CSMD1: variants seen among roughly 807,000 people sequenced by gnomAD.
CSMD1 encodes the protein CUB and Sushi multiple domains 1.
A neutral mutation model predicts 417.5 loss-of-function variants in CSMD1; 213 were observed. That is an observed-to-expected ratio of 0.51 (90% confidence interval 0.46 to 0.57). The LOEUF (loss-of-function observed/expected upper bound fraction) is 0.57, where lower values mean the gene tolerates loss of function less well. Ranked by LOEUF, CSMD1 falls within the 20% of genes least tolerant of loss-of-function variation. The pLI is 0.00. For synonymous variants in CSMD1, 2,862 were observed against 1,736.8 expected, an observed-to-expected ratio of 1.65 and a Z score of -16.11; for missense variants, 6,923 against 4,529.7, an observed-to-expected ratio of 1.53 and a Z score of -15.17.
chr8:4,713,098 A>G (rs1808415299), intron 1 of CSMD1, among the ~76,000 whole-genome samples: 1 of 152,222 alleles, frequency 6.6e-6, no homozygotes, highest in African/African-American at 2.4e-5. Context: ...CCCCACCATT[A>G]AAGTCATTCA....
intron 10 of CSMD1, among the ~76,000 whole-genome samples, chr8:3,528,732 T>A (rs1797857373): frequency 6.6e-6 from 1 of 152,176 alleles, no homozygotes; most frequent in Non-Finnish European, 1.5e-5. Flanking sequence ...ATTGGAATAG[T>A]GAATGTTCCA....
At chr8:3,122,646 G>T (rs1335817487) in intron 41 of CSMD1, among the ~76,000 whole-genome samples, 1 of 152,166 alleles carries the variant, frequency 6.6e-6, no homozygotes, top group African/African-American at 2.4e-5. Flanking sequence ...TCTCACGAGA[G>T]CTGATGCTTT....
intron 8 of CSMD1, among the ~76,000 whole-genome samples, chr8:3,608,367 C>T (rs75455092): frequency 0.043 from 6,535 of 152,090 alleles, 171 homozygotes; most frequent in Middle Eastern, 0.082. Context: ...GACATGGAAG[C>T]AGTTGAGAAG....
At chr8:3,517,138 T>C (rs1003656622) in intron 10 of CSMD1, among the ~76,000 whole-genome samples, 1 of 152,212 alleles carries the variant, frequency 6.6e-6, no homozygotes, top group East Asian at 1.9e-4. Context: ...AGCTCCCTCC[T>C]GCAGTGTGCT....
At chr8:4,289,076 A>T (rs1391109975) in intron 3 of CSMD1, among the ~76,000 whole-genome samples, 1 of 152,202 alleles carries the variant, frequency 6.6e-6, no homozygotes, top group Admixed American at 6.5e-5. Flanking sequence ...GGATGAAAAT[A>T]AAATTATATT....
intron 41 of CSMD1, among the ~76,000 whole-genome samples, chr8:3,121,653 G>C (rs1399413129): frequency 6.6e-6 from 1 of 152,100 alleles, no homozygotes; most frequent in Non-Finnish European, 1.5e-5. Context: ...GATGTAAAAG[G>C]CTGGGAGCAG....
intron 40 of CSMD1, among the ~76,000 whole-genome samples, chr8:3,144,299 G>A (rs577918819): frequency 6.6e-6 from 1 of 152,182 alleles, no homozygotes; most frequent in South Asian, 2.1e-4. Flanking sequence ...CTAGACAAGA[G>A]CTGACAGTCT....
At chr8:4,413,947 C>T (rs943108609) in intron 3 of CSMD1, among the ~76,000 whole-genome samples, 3 of 152,140 alleles carry the variant, frequency 2.0e-5, no homozygotes, top group Non-Finnish European at 4.4e-5. Flanking sequence ...GCATTTGTTT[C>T]AAGCTCTATA....
chr8:4,146,907 C>T (rs1000930150), intron 3 of CSMD1, among the ~76,000 whole-genome samples: 2 of 144,338 alleles, frequency 1.4e-5, no homozygotes, highest in Non-Finnish European at 2.9e-5. Context: ...GCCACCGCAC[C>T]GGCCAGACAC....
At chr8:4,201,892 G>GT (rs1030281848) in intron 3 of CSMD1, among the ~76,000 whole-genome samples, 4 of 148,556 alleles carry the variant, frequency 2.7e-5, no homozygotes, top group East Asian at 2.1e-4. Context: ...AATTTTGGGG[G>GT]GGGGGGGCGC....
intron 1 of CSMD1, among the ~76,000 whole-genome samples, chr8:4,671,097 G>A (rs984944841): frequency 6.6e-6 from 1 of 152,130 alleles, no homozygotes; most frequent in Non-Finnish European, 1.5e-5. Flanking sequence ...TTGAATCTGT[G>A]GCTTGAAAAA....
chr8:3,725,677 T>A (rs1182272172), intron 6 of CSMD1, among the ~76,000 whole-genome samples: 1 of 150,464 alleles, frequency 6.6e-6, no homozygotes, highest in Admixed American at 6.6e-5. Flanking sequence ...CGGTCTCAGA[T>A]GTGGCAGGGG....
At chr8:3,362,372 C>G (rs182922282) in intron 20 of CSMD1, among the ~76,000 whole-genome samples, 1 of 152,298 alleles carries the variant, frequency 6.6e-6, no homozygotes, top group South Asian at 2.1e-4. Context: ...ACTGTGACCT[C>G]CGGATGCAAA....
chr8:4,208,864 T>C (rs1023643235), intron 3 of CSMD1, among the ~76,000 whole-genome samples: 1 of 152,200 alleles, frequency 6.6e-6, no homozygotes, highest in African/African-American at 2.4e-5. Flanking sequence ...AAGTATCCAT[T>C]CAAAATACCA....
At chr8:3,665,150 T>C (rs1165910951) in intron 7 of CSMD1, among the ~76,000 whole-genome samples, 1 of 152,198 alleles carries the variant, frequency 6.6e-6, no homozygotes, top group African/African-American at 2.4e-5. Context: ...ATCATGAGCA[T>C]TGACCAATGA....
intron 3 of CSMD1, among the ~76,000 whole-genome samples, chr8:4,098,512 C>T (rs1374296952): frequency 6.6e-6 from 1 of 152,044 alleles, no homozygotes; most frequent in Admixed American, 6.6e-5. Context: ...GCCAGTTACC[C>T]AGCTGCGAAG....
At chr8:4,041,980 G>C (rs962880534) in intron 3 of CSMD1, among the ~76,000 whole-genome samples, 1 of 151,990 alleles carries the variant, frequency 6.6e-6, no homozygotes, top group African/African-American at 2.4e-5. Context: ...AAAAAAGAAA[G>C]ATTTCCAAGC....
rs577882357 is a variant in CSMD1 at position 3,291,674 on chromosome 8, T to G, written c.3951-7328A>C. 3.3e-5 allele frequency among the ~76,000 whole-genome samples: 5 copies of G among 152,156 alleles called. No individual in the cohort carries two copies. The South Asian group carries it at 1.0e-3, about 32-fold the overall frequency. On this transcript the variant is annotated intron_variant, in intron 25 of 69. Transcript: ENST00000635120. The stretch of plus-strand genomic sequence containing the variant: ...GTTTCTGTGGGATCGGTGGTGATAT[T>G]ACCTTTATCATTTTTTATTATGTCT...
intron 18 of CSMD1, among the ~76,000 whole-genome samples, chr8:3,378,072 T>C (rs1810420088): frequency 6.6e-6 from 1 of 152,154 alleles, no homozygotes; most frequent in South Asian, 2.1e-4. Flanking sequence ...CATGTAAGGA[T>C]GAAGAAGGGT....
Sources: gnomAD v4.1 joint callset for allele counts (sites outside exome capture counted in the v4.1 genomes callset) on GRCh38, gnomAD v4.1.1 for gene constraint, MANE v1.5 for transcripts, NCBI Gene and HGNC (gene_info 2026-07-23, HGNC 2026-07-21) for gene names.